The following CD109 variants were observed in gnomAD, a reference collection of about 807,000 sequenced individuals.
The protein encoded by CD109 is CD109 antigen.
In CD109, 149 loss-of-function variants were observed where a neutral mutation model predicts 165.8. The observed-to-expected ratio is 0.90, with a 90% CI of 0.79 to 1.03. The LOEUF (loss-of-function observed/expected upper bound fraction) is 1.03. CD109 is among the 50% of genes least tolerant of loss of function. The pLI is 0.00. For synonymous variants in CD109, 585 were observed against 592.1 expected (o/e 0.99, Z 0.18); for missense variants, 1,712 against 1,677.8 (o/e 1.02, Z -0.36).
At chr6:73,685,056 A>T in the CD109 span, among the ~76,000 whole-genome samples, 2 of 151,548 alleles carry the variant, frequency 1.3e-5, no homozygotes, top group African/African-American at 4.9e-5. Flanking sequence ...AGCTGGGACT[A>T]CAGGCACAGC....
intron 5 of CD109, among the ~76,000 whole-genome samples, chr6:73,742,758 G>C (rs1236777763): frequency 6.6e-6 from 1 of 152,222 alleles, no homozygotes; most frequent in East Asian, 1.9e-4. Context: ...TGAGGCTGCA[G>C]CTGGTTCTGA....
In CD109 at chr6:73,697,419, G is replaced by T. The variant is rs1484541967; in HGVS notation, c.94G>T (p.Ala32Ser). ...VAPGPRFLVT[A>S]PGIIRPGGNV... is the part of the protein sequence containing the mutation. ...CTTTAGGCCTCGGTTTCTGGTGACA[G>T]CCCCAGGGATCATCAGGCCCGGAGG... is the stretch of plus-strand genomic sequence containing the variant. The change falls in exon 2 of 33, where the codon GCC (alanine) becomes TCC (serine). Residue 32 changes from alanine to serine, a missense_variant. By Grantham distance (99) the Ala-to-Ser change is moderately conservative. Coordinates refer to ENST00000287097, the MANE Select transcript of CD109 (RefSeq NM_133493.5). The T allele has an allele frequency of 6.2e-7, 1 of 1,614,066 alleles. No homozygotes were observed. The highest frequency in any genetic ancestry group is 1.3e-5 in the African/African-American group (1 of 75,040).
At chr6:73,754,325 G>A (rs2150211595) in intron 5 of CD109, among the ~76,000 whole-genome samples, 1 of 152,220 alleles carries the variant, frequency 6.6e-6, no homozygotes, top group Non-Finnish European at 1.5e-5. Context: ...CAACATTTAA[G>A]GATCAGAAAG....
chr6:73,695,787 A>G, upstream of CD109: 1 of 208,584 alleles, frequency 4.8e-6, no homozygotes, highest in Non-Finnish European at 9.6e-6. Context: ...CACTTCACAT[A>G]GTTGCTATGA....
chr6:73,739,908 A>C (rs994374481), intron 5 of CD109, among the ~76,000 whole-genome samples: 1 of 152,144 alleles, frequency 6.6e-6, no homozygotes, highest in African/African-American at 2.4e-5. Context: ...GTCGTCTGTC[A>C]CTCAGGCTAG....
chr6:73,735,637 A>G (rs1372038185), intron 4 of CD109, among the ~76,000 whole-genome samples: 2 of 152,222 alleles, frequency 1.3e-5, no homozygotes, highest in South Asian at 2.1e-4. Flanking sequence ...AGTGTTTTCC[A>G]TGTATATCCG....
chr6:73,724,929 T>C (rs1208222539), intron 3 of CD109, among the ~76,000 whole-genome samples: 2 of 152,166 alleles, frequency 1.3e-5, no homozygotes, highest in Non-Finnish European at 1.5e-5. Flanking sequence ...AAGTTACTTG[T>C]CAAGTACATT....
chr6:73,705,420 G>A (rs887109181), intron 2 of CD109, among the ~76,000 whole-genome samples: 4 of 152,026 alleles, frequency 2.6e-5, no homozygotes, highest in African/African-American at 7.2e-5. Context: ...TGAGCAGATC[G>A]CTTGAGCTCA....
In CD109 at chr6:73,780,492, C is replaced by G; in HGVS notation, c.1896C>G (p.Val632=). 2 of 1,602,020 alleles carry G rather than the reference C, an allele frequency of 1.2e-6. No homozygotes were observed. Among genetic ancestry groups the G allele is most frequent in the South Asian group, 2.2e-5 (2 of 90,678 alleles). The change falls in exon 16 of 33, where the codon GTC becomes GTG. Residue 632 remains valine, a synonymous_variant. Transcript: ENST00000287097. ...YLGMFMNSFA[V]FQECGLWVLT... is the part of the protein sequence containing the mutation. ...GCATGTTCATGAATTCTTTTGCAGT[C>G]TTTCAGGTATGTTTTGCTTGCTATA... is the stretch of plus-strand genomic sequence containing the variant.
In CD109 at chr6:73,826,925, T is replaced by C; in HGVS notation, c.*3292T>C. ...TTATGCTAAACATATTTATAAGTAG[T>C]CTGTCAATATAATACCAACTATTTT... is the stretch of plus-strand genomic sequence containing the variant. On this transcript the variant is annotated 3_prime_UTR_variant, in exon 33 of 33. Coordinates refer to ENST00000287097, the MANE Select transcript of CD109 (RefSeq NM_133493.5). The C allele has an allele frequency of 6.6e-6, 1 of 152,128 alleles. No homozygotes were observed. The highest frequency in any genetic ancestry group is 1.9e-4 in the East Asian group (1 of 5,194). 9.4% of individuals were successfully genotyped at this position (152,128 alleles called of 1,614,324 possible).
chr6:73,734,267 A>G (rs1772470119), intron 4 of CD109, among the ~76,000 whole-genome samples: 1 of 152,238 alleles, frequency 6.6e-6, no homozygotes, highest in Non-Finnish European at 1.5e-5. Context: ...GTACAAAGCC[A>G]TCAATGAGGT....
upstream of CD109, among the ~76,000 whole-genome samples, chr6:73,691,075 C>G (rs1390454653): frequency 6.6e-6 from 1 of 152,198 alleles, no homozygotes; most frequent in African/African-American, 2.4e-5. Flanking sequence ...CACCCACCTG[C>G]TCTCTGCTTT....
intron 2 of CD109, chr6:73,723,022 T>G (rs1391691571): frequency 2.3e-6 from 1 of 434,680 alleles, no homozygotes; most frequent in Non-Finnish European, 3.1e-6. Context: ...TAATGTTTTT[T>G]GGGTTTGCCC....
intron 16 of CD109, among the ~76,000 whole-genome samples, 199 bp from the exon 17 acceptor site, chr6:73,781,056 GTGTT>G (rs749318546): frequency 9.0e-4 from 135 of 150,570 alleles, no homozygotes; most frequent in Non-Finnish European, 1.7e-3. Context: ...GTGCGTGTGT[GTGTT>G]TGAGTGAGAA....
intron 15 of CD109, among the ~76,000 whole-genome samples, chr6:73,772,041 A>G (rs1489711954): frequency 6.6e-6 from 1 of 152,242 alleles, no homozygotes; most frequent in Non-Finnish European, 1.5e-5. Context: ...AATATATACA[A>G]TAAAAAATGC....
At chr6:73,781,156 CA>C in intron 16 of CD109, 102 bp from the exon 17 acceptor site, 2 of 882,150 alleles carry the variant, frequency 2.3e-6, no homozygotes, top group East Asian at 5.3e-5. Flanking sequence ...CCTAAGCTCT[CA>C]AAAATGAGCA....
chr6:73,783,619 T>G (rs1341377591), intron 18 of CD109, 88 bp from the exon 19 acceptor site: 1 of 786,574 alleles, frequency 1.3e-6, no homozygotes, highest in African/African-American at 1.7e-5. Flanking sequence ...TTGAAATTCT[T>G]CCAAAAATAG....
intron 5 of CD109, among the ~76,000 whole-genome samples, chr6:73,754,383 A>T (rs1218980686): frequency 6.6e-6 from 1 of 152,158 alleles, no homozygotes; most frequent in Non-Finnish European, 1.5e-5. Flanking sequence ...AATTAGGAAT[A>T]CCAAGAGAAC....
At chr6:73,793,783 G>A (rs967039479) in intron 23 of CD109, among the ~76,000 whole-genome samples, 1 of 152,172 alleles carries the variant, frequency 6.6e-6, no homozygotes, top group Non-Finnish European at 1.5e-5. Context: ...CTGTGGCTGA[G>A]TTTTTCTCTC....
Sources: gnomAD v4.1 joint callset for allele counts (sites outside exome capture counted in the v4.1 genomes callset) on GRCh38, gnomAD v4.1.1 for gene constraint, MANE v1.5 for transcripts, NCBI Gene and HGNC (gene_info 2026-07-23, HGNC 2026-07-21) for gene names.